Variants in ATG5 observed in about 807,000 individuals in gnomAD.
ATG5 encodes the protein autophagy related 5, also known as autophagy protein 5.
A neutral mutation model predicts 36.5 loss-of-function variants in ATG5; 14 were observed. The ratio of observed to expected loss-of-function variants is 0.38; its 90% confidence interval spans 0.25 to 0.60. The LOEUF is 0.60. ATG5 is among the 20% of genes least tolerant of loss of function. The pLI, the probability that ATG5 is intolerant of heterozygous loss-of-function variation, is 0.60. For missense variants in ATG5, 195 were observed against 326.7 expected (o/e 0.60, Z 3.11); for synonymous variants, 95 against 101.5 (o/e 0.94, Z 0.38).
intron 7 of ATG5, among the ~76,000 whole-genome samples, chr6:106,195,846 C>T (rs1446329074): frequency 6.8e-6 from 1 of 148,006 alleles, no homozygotes; most frequent in Non-Finnish European, 1.5e-5. Flanking sequence ...CAAGGGAAGT[C>T]ACACTGTGTA....
intron 6 of ATG5, among the ~76,000 whole-genome samples, chr6:106,203,871 A>G (rs1431509655): frequency 6.6e-6 from 1 of 152,210 alleles, no homozygotes; most frequent in African/African-American, 2.4e-5. Flanking sequence ...TTTTAATGAC[A>G]GAGGTATACC....
intron 6 of ATG5, among the ~76,000 whole-genome samples, chr6:106,215,787 T>C (rs1777014081): frequency 6.6e-6 from 1 of 152,162 alleles, no homozygotes; most frequent in Admixed American, 6.5e-5. Flanking sequence ...TTAAAAACTT[T>C]TGTTCTTCAA....
chr6:106,246,812 G>A (rs1306632508), intron 6 of ATG5, among the ~76,000 whole-genome samples: 2 of 152,052 alleles, frequency 1.3e-5, no homozygotes, highest in East Asian at 1.9e-4. Flanking sequence ...AATGCCTTAC[G>A]GCATGTTACT....
chr6:106,187,623 GACA>G (rs1775824425), intron 7 of ATG5, among the ~76,000 whole-genome samples: 2 of 152,182 alleles, frequency 1.3e-5, no homozygotes, highest in African/African-American at 2.4e-5. Context: ...GGTGACAGAA[GACA>G]ACAAGGAAAC....
intron 7 of ATG5, 181 bp downstream of exon 7, chr6:106,201,791 G>A: frequency 2.7e-6 from 1 of 374,230 alleles, no homozygotes; most frequent in Non-Finnish European, 4.7e-6. Context: ...TCATCATTTT[G>A]TTAGTCAATA....
chr6:106,279,652 T>C lies in ATG5; in HGVS notation c.478+9A>G, dbSNP rs770592938. 2 of 1,566,976 alleles carry C rather than the reference T, an allele frequency of 1.3e-6. No homozygotes were observed. Among genetic ancestry groups the C allele is most frequent in the Non-Finnish European group, 1.7e-6 (2 of 1,155,130 alleles). On this transcript the variant is annotated intron_variant, in intron 5 of 7. Coordinates refer to ENST00000369076, the MANE Select transcript of ATG5 (RefSeq NM_004849.4). ...GTGGTATTCTAAAATTAAACACTAT[T>C]ATACTTACCATTTTGCAATCCCATC...
intron 5 of ATG5, among the ~76,000 whole-genome samples, chr6:106,270,054 C>G (rs933914274): frequency 6.6e-6 from 1 of 152,194 alleles, no homozygotes; most frequent in Non-Finnish European, 1.5e-5. Flanking sequence ...CAAGTCTACC[C>G]AAAACACTGT....
rs530747078 is a variant in ATG5, at chr6:106,297,957, C to A, written c.237-4851G>T. Among the ~76,000 whole-genome samples the A allele has an allele frequency of 1.9e-4, 28 of 147,358 alleles. No individual in the cohort carries two copies. The South Asian group carries it at 5.9e-3, about 31-fold the overall frequency. ...TGTACTCAACAGAGGGAGACCCTGT[C>A]AAAATCTATTTTTTTTTTTTTTTTT... On this transcript the variant is annotated intron_variant, in intron 3 of 7. Transcript: ENST00000369076.
chr6:106,303,884 C>T (rs2114654715), intron 3 of ATG5, among the ~76,000 whole-genome samples: 1 of 151,572 alleles, frequency 6.6e-6, no homozygotes, highest in Non-Finnish European at 1.5e-5. Context: ...AAGACTAATA[C>T]ATTCCCCATA....
intron 6 of ATG5, among the ~76,000 whole-genome samples, chr6:106,215,341 CA>C (rs1451788213): frequency 6.6e-6 from 1 of 152,200 alleles, no homozygotes; most frequent in South Asian, 2.1e-4. Flanking sequence ...GCTCTTCAAA[CA>C]GTCTCACCTA....
chr6:106,237,391 C>A (rs1305479929), intron 6 of ATG5, among the ~76,000 whole-genome samples: 1 of 151,936 alleles, frequency 6.6e-6, no homozygotes, highest in Non-Finnish European at 1.5e-5. Flanking sequence ...CATCTTCTTG[C>A]AAAAAAGATA....
chr6:106,249,762 C>T (rs555879065), intron 5 of ATG5, among the ~76,000 whole-genome samples: 63 of 152,234 alleles, frequency 4.1e-4, no homozygotes, highest in Non-Finnish European at 7.3e-4. Flanking sequence ...CACATCCTTG[C>T]CAATGCTTGC....
chr6:106,318,568 A>T (rs1271066990), intron 1 of ATG5, among the ~76,000 whole-genome samples: 1 of 152,208 alleles, frequency 6.6e-6, no homozygotes, highest in East Asian at 1.9e-4. Flanking sequence ...CTAGTGAAAG[A>T]TAAATTGGTA....
Position 106,273,037 on chromosome 6 carries a change from T to C in ATG5, c.478+6624A>G, listed in dbSNP as rs182787274. ...TTTCTTTGCTCTTATTTATACAATG[T>C]AATCTCAGTGTTCCAAAGACTGATA... is the stretch of plus-strand genomic sequence containing the variant. On this transcript the variant is annotated intron_variant, in intron 5 of 7. Coordinates refer to ENST00000369076, the MANE Select transcript of ATG5 (RefSeq NM_004849.4). Among the ~76,000 whole-genome samples the C allele has an allele frequency of 2.9e-3, 446 of 152,314 alleles. 2 individuals carry two copies. The highest frequency in any genetic ancestry group is 0.01 in the African/African-American group (417 of 41,542).
chr6:106,213,222 T>A (rs538032400), intron 6 of ATG5, among the ~76,000 whole-genome samples: 1 of 152,280 alleles, frequency 6.6e-6, no homozygotes, highest in South Asian at 2.1e-4. Context: ...GATACAAAGA[T>A]AAATAACATG....
intron 5 of ATG5, among the ~76,000 whole-genome samples, chr6:106,254,162 A>G (rs567148869): frequency 3.9e-5 from 6 of 152,266 alleles, no homozygotes; most frequent in African/African-American, 1.2e-4. Flanking sequence ...TAATCTTTAC[A>G]TAACTGCTTC....
chr6:106,268,394 T>C (rs1471812279), intron 5 of ATG5, among the ~76,000 whole-genome samples: 2 of 152,058 alleles, frequency 1.3e-5, no homozygotes, highest in Admixed American at 6.6e-5. Context: ...GCTGGCAAGG[T>C]TGTGGAGAAA....
intron 6 of ATG5, among the ~76,000 whole-genome samples, chr6:106,208,529 T>C (rs1213391825): frequency 1.3e-5 from 2 of 152,130 alleles, no homozygotes; most frequent in African/African-American, 4.8e-5. Flanking sequence ...TTCAGAAGTT[T>C]ACGTTTTAAT....
intron 6 of ATG5, among the ~76,000 whole-genome samples, chr6:106,224,310 A>T (rs1384583155): frequency 2.0e-5 from 3 of 152,226 alleles, no homozygotes; most frequent in Admixed American, 6.5e-5. Context: ...AAGAACCACT[A>T]AAATAGTTCA....
Sources: gnomAD v4.1 joint callset for allele counts (sites outside exome capture counted in the v4.1 genomes callset) on GRCh38, gnomAD v4.1.1 for gene constraint, MANE v1.5 for transcripts, NCBI Gene and HGNC (gene_info 2026-07-23, HGNC 2026-07-21) for gene names.